Variants in EPB41L4B observed in about 807,000 individuals in gnomAD.
EPB41L4B encodes the protein erythrocyte membrane protein band 4.1 like 4B, also known as band 4.1-like protein 4B.
EPB41L4B carries 30 observed loss-of-function variants against 112.5 expected under a neutral mutation model. That is an observed-to-expected ratio of 0.27 (90% CI 0.20 to 0.36). The LOEUF is 0.36. EPB41L4B is among the 10% of genes least tolerant of loss of function. EPB41L4B has a pLI of 1.00. For missense variants in EPB41L4B, 1,024 were observed against 1,133.3 expected (o/e 0.90, Z 1.38); for synonymous variants, 408 against 439.7 (o/e 0.93, Z 0.90).
chr9:109,294,625 A>C (rs866001813), intron 1 of EPB41L4B, among the ~76,000 whole-genome samples: 27 of 151,774 alleles, frequency 1.8e-4, no homozygotes, highest in African/African-American at 6.3e-4. Flanking sequence ...GTACCCCCTC[A>C]AAAAAAATAA....
At chr9:109,258,901 G>C (rs560811671) in intron 6 of EPB41L4B, among the ~76,000 whole-genome samples, 1 of 152,154 alleles carries the variant, frequency 6.6e-6, no homozygotes, top group South Asian at 2.1e-4. Flanking sequence ...GCAGCCACAC[G>C]AGTGATCCGA....
intron 22 of EPB41L4B, 152 bp from the exon 23 acceptor site, chr9:109,185,757 G>A (rs1256482736): frequency 5.5e-6 from 3 of 545,942 alleles, no homozygotes; most frequent in Non-Finnish European, 9.2e-6. Context: ...CTCACCCACA[G>A]CCTACTTCCA....
chr9:109,216,849 G>A, intron 16 of EPB41L4B, 73 bp downstream of exon 16: 1 of 1,442,902 alleles, frequency 6.9e-7, no homozygotes, highest in Non-Finnish European at 9.7e-7. Flanking sequence ...TCTGTCTTAA[G>A]AATCTAGGGA....
At chr9:109,251,451 A>G (rs758135480) in intron 13 of EPB41L4B, 30 bp downstream of exon 13, 1 of 1,602,724 alleles carries the variant, frequency 6.2e-7, no homozygotes, top group Non-Finnish European at 8.6e-7. Flanking sequence ...TAGAGAGGAG[A>G]GCTGTGCTCT....
intron 15 of EPB41L4B, among the ~76,000 whole-genome samples, chr9:109,226,695 T>TATGAA (rs1554750182): frequency 3.7e-4 from 42 of 113,638 alleles, no homozygotes; most frequent in African/African-American, 1.2e-3. Flanking sequence ...AATATATATA[T>TATGAA]GAATATATAT....
intron 18 of EPB41L4B, 40 bp from the exon 19 acceptor site, chr9:109,203,770 G>C: frequency 6.6e-7 from 1 of 1,524,890 alleles, no homozygotes; most frequent in Non-Finnish European, 9.1e-7. Flanking sequence ...AACTGAATAT[G>C]TTGGCATGCA....
intron 1 of EPB41L4B, among the ~76,000 whole-genome samples, chr9:109,294,577 T>C (rs997050040): frequency 1.4e-4 from 21 of 151,958 alleles, no homozygotes; most frequent in Admixed American, 6.6e-4. Flanking sequence ...TGAGCCATGA[T>C]CACATCACTG....
rs1254824009 is a variant in EPB41L4B, at chr9:109,208,065, A to ATCTGTTGTT, written c.1753-17_1753-16insAACAACAGA. ...TTTCTTCAGCCTGAGACAAACCAAA[A>ATCTGTTGTT]TACAAACAGCAGATTGTAAACAAAG... On this transcript the variant is annotated splice_polypyrimidine_tract_variant and intron_variant, in intron 17 of 25. Transcript: ENST00000374566. 1.2e-6 allele frequency: 2 copies of ATCTGTTGTT among 1,613,482 alleles called. No homozygotes were observed. Among genetic ancestry groups the ATCTGTTGTT allele is most frequent in the Admixed American group, 3.3e-5 (2 of 59,830 alleles).
intron 20 of EPB41L4B, among the ~76,000 whole-genome samples, chr9:109,195,338 T>C (rs1832604579): frequency 1.3e-5 from 2 of 152,184 alleles, no homozygotes; most frequent in African/African-American, 4.8e-5. Flanking sequence ...CGTGGGAACA[T>C]GAGGCCGTGA....
intron 19 of EPB41L4B, among the ~76,000 whole-genome samples, chr9:109,201,081 G>A (rs1260684497): frequency 6.6e-6 from 1 of 152,180 alleles, no homozygotes; most frequent in Non-Finnish European, 1.5e-5. Context: ...GTCCTTGAAA[G>A]GGACACCTGG....
chr9:109,261,742 C>T lies in EPB41L4B; in HGVS notation c.631+1308G>A, dbSNP rs553540803. Among the ~76,000 whole-genome samples the T allele has an allele frequency of 7.2e-5, 11 of 152,256 alleles. No individual in the cohort carries two copies. In the South Asian group the frequency reaches 2.3e-3, roughly 32 times the overall value. On this transcript the variant is annotated intron_variant, in intron 6 of 25. Coordinates refer to ENST00000374566, the MANE Select transcript of EPB41L4B (RefSeq NM_019114.5). ...TGGTAGGACAGTGGGTTCCTTCCTT[C>T]CTTATGCTTGTCTTATTGGTGGGTT...
At chr9:109,239,466 A>C (rs571087922) in intron 15 of EPB41L4B, among the ~76,000 whole-genome samples, 1 of 152,218 alleles carries the variant, frequency 6.6e-6, no homozygotes, top group Admixed American at 6.5e-5. Context: ...AGTCAACAGC[A>C]TGATAAAATC....
Position 109,273,821 on chromosome 9 carries a change from T to A in EPB41L4B, c.412-5388A>T, listed in dbSNP as rs375346377. Among the ~76,000 whole-genome samples, 120 of 152,242 alleles carry A rather than the reference T, an allele frequency of 7.9e-4. 5 individuals are homozygous for A. In the South Asian group the frequency reaches 0.024, roughly 30 times the overall value. On this transcript the variant is annotated intron_variant, in intron 2 of 25. Transcript: ENST00000374566. ...CTGTTTCCAGCAGTTGTAACATAGA[T>A]CCCCATAGATCCCACTCTTAGCATT...
intron 15 of EPB41L4B, among the ~76,000 whole-genome samples, chr9:109,235,559 G>A (rs1312535050): frequency 6.6e-6 from 1 of 151,750 alleles, no homozygotes; most frequent in African/African-American, 2.4e-5. Context: ...CACCACGCCC[G>A]GCTAGTTTTT....
Position 109,212,137 on chromosome 9 carries a change from G to A in EPB41L4B, c.1752+1563C>T, listed in dbSNP as rs181381000. On this transcript the variant is annotated intron_variant, in intron 17 of 25. Coordinates refer to ENST00000374566, the MANE Select transcript of EPB41L4B (RefSeq NM_019114.5). ...CCCAGAGCAAACTGCTGTTGTCAAC[G>A]CTCCACCAATAGTCATGGCAATTGC... Among the ~76,000 whole-genome samples, 351 of 152,252 alleles carry A rather than the reference G, an allele frequency of 2.3e-3. 1 individual carries two copies. Among genetic ancestry groups the A allele is most frequent in the Non-Finnish European group, 3.9e-3 (264 of 68,024 alleles).
At chr9:109,222,783 C>A (rs1369270757) in intron 15 of EPB41L4B, among the ~76,000 whole-genome samples, 1 of 152,170 alleles carries the variant, frequency 6.6e-6, no homozygotes, top group Non-Finnish European at 1.5e-5. Flanking sequence ...CTGTGCTAGG[C>A]ACTTTAATGG....
At chr9:109,212,391 G>C (rs977894809) in intron 17 of EPB41L4B, among the ~76,000 whole-genome samples, 3 of 152,182 alleles carry the variant, frequency 2.0e-5, no homozygotes, top group African/African-American at 4.8e-5. Context: ...GCTCAATAAA[G>C]ATCTGTTGAT....
At position 109,207,925 on chromosome 9, in the gene EPB41L4B, T is replaced by A. The variant is rs1833038392; in HGVS notation, c.1877A>T (p.Gln626Leu). 1 of 1,614,158 alleles carries A rather than the reference T, an allele frequency of 6.2e-7. No individual in the cohort carries two copies. Among genetic ancestry groups the A allele is most frequent in the Non-Finnish European group, 8.5e-7 (1 of 1,180,026 alleles). ...QLENASRVNI[Q>L]GGKEESPFVN... ...AAGGAATGTATGCATTCTGCGCACC[T>A]GGATGTTCACTCGGGAAGCATTTTC... Residue 626 changes from glutamine (Q) to leucine (L), a missense_variant and splice_region_variant, in exon 18 of 26, where the codon CAG (glutamine) becomes CTG (leucine). By Grantham distance (113) the Gln-to-Leu change is moderately radical. Transcript: ENST00000374566.
chr9:109,245,537 G>C (rs944838545), intron 14 of EPB41L4B, among the ~76,000 whole-genome samples: 2 of 152,212 alleles, frequency 1.3e-5, no homozygotes, highest in African/African-American at 4.8e-5. Flanking sequence ...CATAGTAAGA[G>C]AGAAAAGGGA....
Sources: gnomAD v4.1 joint callset for allele counts (sites outside exome capture counted in the v4.1 genomes callset) on GRCh38, gnomAD v4.1.1 for gene constraint, MANE v1.5 for transcripts, NCBI Gene and HGNC (gene_info 2026-07-23, HGNC 2026-07-21) for gene names.